Variants in TFRC observed in about 807,000 individuals in gnomAD.
TFRC encodes transferrin receptor protein 1.
In TFRC, 35 loss-of-function variants were observed where a neutral mutation model predicts 85.8. The ratio of observed to expected loss-of-function variants is 0.41; its 90% CI spans 0.31 to 0.54. The LOEUF is 0.54. Ranked by LOEUF, TFRC falls within the 20% of genes least tolerant of loss-of-function variation. TFRC has a pLI of 0.31. For synonymous variants in TFRC, 362 were observed against 328.6 expected, an observed-to-expected ratio of 1.10 and a Z score of -1.10; for missense variants, 828 against 921.5, an observed-to-expected ratio of 0.90 and a Z score of 1.31.
At chr3:196,073,287 T>C (rs1423033656) in intron 4 of TFRC, among the ~76,000 whole-genome samples, 3 of 140,826 alleles carry the variant, frequency 2.1e-5, no homozygotes, top group Non-Finnish European at 4.7e-5. Context: ...AGACTCCATC[T>C]CTTAAAAAAA....
At chr3:196,057,454 G>A (rs1273408255) in intron 16 of TFRC, among the ~76,000 whole-genome samples, 2 of 152,134 alleles carry the variant, frequency 1.3e-5, no homozygotes, top group Non-Finnish European at 2.9e-5. Flanking sequence ...GGAGACGTGA[G>A]TCTTGCCAAA....
chr3:196,065,262 C>CA (rs55922619), intron 10 of TFRC, among the ~76,000 whole-genome samples, 181 bp downstream of exon 10: 112 of 136,272 alleles, frequency 8.2e-4, no homozygotes, highest in African/African-American at 2.4e-3. Flanking sequence ...AACTCTTTCT[C>CA]AAAAAAAAAA....
intron 16 of TFRC, among the ~76,000 whole-genome samples, chr3:196,056,547 G>T (rs918238507): frequency 2.0e-5 from 3 of 150,892 alleles, no homozygotes. Flanking sequence ...TTATAGGCAT[G>T]TGCCACCATG....
chr3:196,063,055 TC>T (rs1454002921), intron 11 of TFRC, 116 bp from the exon 12 acceptor site: 1 of 675,930 alleles, frequency 1.5e-6, no homozygotes, highest in Non-Finnish European at 2.3e-6. Flanking sequence ...GATTCCAAAA[TC>T]TTTTTTTTCT....
Position 196,074,131 on chromosome 3 carries a change from G to A in TFRC, c.239-6C>T, listed in dbSNP as rs1346085649. 1 of 1,606,596 alleles carries A rather than the reference G, an allele frequency of 6.2e-7. No individual in the cohort carries two copies. Among genetic ancestry groups the A allele is most frequent in the Admixed American group, 1.7e-5 (1 of 58,936 alleles). On this transcript the variant is annotated splice_region_variant and splice_polypyrimidine_tract_variant and intron_variant, in intron 3 of 18. Transcript: ENST00000360110. ...CAAGTAGCCAATCATAAATCCTAAAGAGACAAAGTTCCAGAGCTGAACTCA... is the reference window on the plus strand; with the variant it reads ...CAAGTAGCCAATCATAAATCCTAAAAAGACAAAGTTCCAGAGCTGAACTCA...
chr3:196,058,056 G>T, intron 16 of TFRC: 1 of 358,466 alleles, frequency 2.8e-6, no homozygotes, highest in Non-Finnish European at 5.1e-6. Flanking sequence ...GTCAACCTTG[G>T]ACTGGTGTCA....
At position 196,055,323 on chromosome 3, in the gene TFRC, T is replaced by C. The variant is rs1716687838; in HGVS notation, c.1678-22A>G. On this transcript the variant is annotated intron_variant, in intron 16 of 18. Transcript: ENST00000360110. ...TGTCCTGCAAGACAACGCGAGGCTA[T>C]GGTACTCACGTGAGTTCTAAGAGCA... The C allele has an allele frequency of 1.9e-6, 3 of 1,595,636 alleles. No individual in the cohort carries two copies. The Admixed American group carries it at 5.0e-5, about 27-fold the overall frequency.
At chr3:196,060,797 C>CAAAAAAAAAAA (rs1173946134) in intron 13 of TFRC, among the ~76,000 whole-genome samples, 4 of 36,944 alleles carry the variant, frequency 1.1e-4, no homozygotes, top group Admixed American at 4.3e-4. Flanking sequence ...GACTCCATCT[C>CAAAAAAAAAAA]AAAAAAAAAA....
At chr3:196,078,055 T>C (rs1405910038) in intron 1 of TFRC, among the ~76,000 whole-genome samples, 26 of 152,222 alleles carry the variant, frequency 1.7e-4, no homozygotes, top group Non-Finnish European at 1.5e-5. Flanking sequence ...AATTGTGTTA[T>C]CATCTCTGGA....
intron 18 of TFRC, 58 bp downstream of exon 18, chr3:196,053,360 A>C: frequency 1.3e-6 from 2 of 1,597,970 alleles, no homozygotes; most frequent in East Asian, 4.5e-5. Flanking sequence ...CAGAAGTGTA[A>C]GATTTATCGG....
chr3:196,052,014 T>C lies in TFRC; in HGVS notation c.2211A>G (p.Leu737=), dbSNP rs1451962996. 6 of 1,614,078 alleles carry C rather than the reference T, an allele frequency of 3.7e-6. No homozygotes were observed. The highest frequency in any genetic ancestry group is 1.3e-5 in the African/African-American group (1 of 74,920). The change falls in exon 19 of 19, where the codon CTA becomes CTG. Residue 737 remains leucine (L), a synonymous_variant. Coordinates refer to ENST00000360110, the MANE Select transcript of TFRC (RefSeq NM_001128148.3). ...NETLFRNQLA[L]ATWTIQGAAN... is the part of the protein sequence containing the mutation. The stretch of plus-strand genomic sequence containing the variant: ...CAGCTCCCTGAATAGTCCAAGTAGC[T>C]AGAGCCAACTGGTTTCTGAACAGCG...
At chr3:196,057,250 T>C (rs747091396) in intron 16 of TFRC, among the ~76,000 whole-genome samples, 4 of 152,208 alleles carry the variant, frequency 2.6e-5, no homozygotes, top group Non-Finnish European at 4.4e-5. Flanking sequence ...ATGTTATCTA[T>C]AGATTCCAGA....
At chr3:196,071,939 CTA>C in intron 5 of TFRC, 62 bp downstream of exon 5, 9 of 1,550,930 alleles carry the variant, frequency 5.8e-6, no homozygotes, top group Non-Finnish European at 7.8e-6. Context: ...AAAGTCTTTG[CTA>C]TATTTAGCAC....
chr3:196,059,864 A>C (rs980963243), intron 14 of TFRC, among the ~76,000 whole-genome samples: 2 of 149,878 alleles, frequency 1.3e-5, no homozygotes, highest in Non-Finnish European at 2.9e-5. Context: ...CGGCCTTCTC[A>C]AAGTATAGTT....
At chr3:196,054,301 G>A (rs929701027) in intron 17 of TFRC, among the ~76,000 whole-genome samples, 1 of 152,048 alleles carries the variant, frequency 6.6e-6, no homozygotes, top group Non-Finnish European at 1.5e-5. Flanking sequence ...GCTACCTGGG[G>A]AGCCGAGGCA....
Position 196,055,297 on chromosome 3 carries a change from G to A in TFRC, c.1682C>T (p.Thr561Ile), listed in dbSNP as rs780221091. The A allele has an allele frequency of 6.2e-7, 1 of 1,613,616 alleles. No individual in the cohort carries two copies. The highest frequency in any genetic ancestry group is 1.7e-5 in the Admixed American group (1 of 60,010). ...GGTGGTACCCAAATAAGGATAATCTGTGTCCTGCAAGACAACGCGAGGCTA... is the reference window on the plus strand; with the variant it reads ...GGTGGTACCCAAATAAGGATAATCTATGTCCTGCAAGACAACGCGAGGCTA... Reference protein sequence around the residue: ...PAVSFCFCEDTDYPYLGTTMD... With the variant: ...PAVSFCFCEDIDYPYLGTTMD... Residue 561 changes from threonine to isoleucine, a missense_variant, in exon 17 of 19, where the codon ACA (threonine) becomes ATA (isoleucine). Thr to Ile is a moderately conservative substitution (Grantham distance 89). Transcript: ENST00000360110.
intron 13 of TFRC, chr3:196,060,640 T>C (rs1279785557): frequency 1.9e-5 from 3 of 162,018 alleles, no homozygotes; most frequent in East Asian, 3.7e-4. Flanking sequence ...CTACTAAAAA[T>C]ACAAAAAATT....
chr3:196,056,329 T>C, intron 16 of TFRC, among the ~76,000 whole-genome samples: 1 of 152,124 alleles, frequency 6.6e-6, no homozygotes, highest in Non-Finnish European at 1.5e-5. Flanking sequence ...GCACCCAGCC[T>C]GAGGAAAATA....
chr3:196,075,253 A>G lies in TFRC; in HGVS notation c.144T>C (p.Ala48=). The G allele has an allele frequency of 6.2e-7, 1 of 1,614,146 alleles. No homozygotes were observed. The highest frequency in any genetic ancestry group is 8.5e-7 in the Non-Finnish European group (1 of 1,180,036). The change falls in exon 3 of 19, where the codon GCT becomes GCC. Residue 48 remains alanine, a synonymous_variant. Transcript: ENST00000360110. ...MKLAVDEEEN[A]DNNTKANVTK... is the part of the protein sequence containing the mutation. Reference sequence around the variant, plus strand: ...TGACATTGGCCTTTGTGTTATTGTCAGCATTTTCTTCTTCATCTACAGCAA... The same window carrying G: ...TGACATTGGCCTTTGTGTTATTGTCGGCATTTTCTTCTTCATCTACAGCAA...
Sources: allele counts gnomAD v4.1 joint callset (sites outside exome capture counted in the v4.1 genomes callset), GRCh38; gene constraint gnomAD v4.1.1; transcripts MANE v1.5; gene names NCBI Gene and HGNC (gene_info 2026-07-23, HGNC 2026-07-21).